The following TLE1 variants were observed in gnomAD, a reference collection of about 807,000 sequenced individuals.
The protein encoded by TLE1 is TLE family member 1, transcriptional corepressor.
In TLE1, 21 loss-of-function variants were observed where a neutral mutation model predicts 89.8. The observed-to-expected ratio is 0.23, with a 90% CI of 0.17 to 0.34. TLE1 has a LOEUF of 0.34. TLE1 is among the 10% of genes least tolerant of loss of function. TLE1 has a pLI of 1.00. For synonymous variants in TLE1, 447 were observed against 407.6 expected, an observed-to-expected ratio of 1.10 and a Z score of -1.16; for missense variants, 795 against 1,031.2, an observed-to-expected ratio of 0.77 and a Z score of 3.14.
At chr9:81,657,673 T>G (rs1396688416) in intron 4 of TLE1, among the ~76,000 whole-genome samples, 1 of 152,170 alleles carries the variant, frequency 6.6e-6, no homozygotes, top group African/African-American at 2.4e-5. Context: ...TCTCGGTATC[T>G]GTGAGGGATT....
chr9:81,661,385 T>C (rs1363408395), intron 4 of TLE1, among the ~76,000 whole-genome samples: 1 of 151,786 alleles, frequency 6.6e-6, no homozygotes, highest in East Asian at 1.9e-4. Context: ...CAGTAGTGCA[T>C]AATGAGTGCT....
intron 6 of TLE1, among the ~76,000 whole-genome samples, chr9:81,637,137 C>T (rs940543690): frequency 6.6e-6 from 1 of 151,902 alleles, no homozygotes; most frequent in African/African-American, 2.4e-5. Flanking sequence ...GCGGGTGTAA[C>T]ACTTGAGGTC....
chr9:81,658,762 T>C (rs1412919792), intron 4 of TLE1, among the ~76,000 whole-genome samples: 3 of 152,156 alleles, frequency 2.0e-5, no homozygotes, highest in Non-Finnish European at 2.9e-5. Context: ...TCCCTTCAAA[T>C]AGTCTGGATT....
chr9:81,622,221 G>C lies in TLE1; in HGVS notation c.595-1664C>G, dbSNP rs138279138. On this transcript the variant is annotated intron_variant, in intron 8 of 19. Coordinates refer to ENST00000376499, the MANE Select transcript of TLE1 (RefSeq NM_005077.5). ...ACCCCTCCTAGTTTACTTCAGCCCC[G>C]AGGTCTCCTCCTCCAGACTCTGTGC... Among the ~76,000 whole-genome samples, 284 of 152,274 alleles carry C rather than the reference G, an allele frequency of 1.9e-3. 3 individuals carry two copies. Among genetic ancestry groups the C allele is most frequent in the African/African-American group, 6.4e-3 (267 of 41,554 alleles).
intron 14 of TLE1, among the ~76,000 whole-genome samples, chr9:81,602,572 G>A (rs569965939): frequency 1.4e-4 from 21 of 152,098 alleles, no homozygotes; most frequent in African/African-American, 4.6e-4. Context: ...GGTCAGGTGT[G>A]GAATTTTCCA....
intron 4 of TLE1, among the ~76,000 whole-genome samples, chr9:81,656,736 TGA>T (rs1830191423): frequency 6.6e-6 from 1 of 152,190 alleles, no homozygotes; most frequent in South Asian, 2.1e-4. Context: ...ACAAGTACCT[TGA>T]AACATTCCAC....
intron 4 of TLE1, among the ~76,000 whole-genome samples, chr9:81,681,019 A>C (rs1833554978): frequency 6.6e-6 from 1 of 152,180 alleles, no homozygotes; most frequent in African/African-American, 2.4e-5. Context: ...GTGAGTCCCT[A>C]ACAGTCCCAT....
At chr9:81,638,276 C>A (rs1035658618) in intron 6 of TLE1, among the ~76,000 whole-genome samples, 1 of 152,172 alleles carries the variant, frequency 6.6e-6, no homozygotes, top group Non-Finnish European at 1.5e-5. Flanking sequence ...CAAAGAAGCA[C>A]GTCAAGAAGA....
At chr9:81,630,249 C>A (rs1014173983) in intron 8 of TLE1, among the ~76,000 whole-genome samples, 2 of 152,050 alleles carry the variant, frequency 1.3e-5, no homozygotes, top group East Asian at 1.9e-4. Context: ...AGGGCAGATT[C>A]TCTTCCTAAA....
At chr9:81,612,418 G>A (rs1027566268) in intron 12 of TLE1, 9 of 933,332 alleles carry the variant, frequency 9.6e-6, no homozygotes, top group African/African-American at 5.3e-5. Context: ...ACCAAAGCAC[G>A]GGTTTAGGAG....
At chr9:81,624,428 A>G (rs1248995302) in intron 8 of TLE1, among the ~76,000 whole-genome samples, 3 of 152,210 alleles carry the variant, frequency 2.0e-5, no homozygotes. Flanking sequence ...TAATCATCCT[A>G]CAGACCTATT....
intron 14 of TLE1, among the ~76,000 whole-genome samples, chr9:81,599,141 C>A (rs1416500298): frequency 1.3e-5 from 2 of 152,144 alleles, no homozygotes; most frequent in East Asian, 3.9e-4. Context: ...AACTATGAAG[C>A]GCAATATAGT....
intron 8 of TLE1, among the ~76,000 whole-genome samples, chr9:81,622,224 G>A (rs906952132): frequency 3.3e-5 from 5 of 152,156 alleles, no homozygotes; most frequent in Non-Finnish European, 5.9e-5. Flanking sequence ...CAGCCCCGAG[G>A]TCTCCTCCTC....
intron 15 of TLE1, among the ~76,000 whole-genome samples, chr9:81,591,467 A>G (rs1435859347): frequency 6.6e-6 from 1 of 152,214 alleles, no homozygotes; most frequent in African/African-American, 2.4e-5. Context: ...ATTAGTCAGA[A>G]GGATTCTTGC....
intron 6 of TLE1, among the ~76,000 whole-genome samples, chr9:81,640,855 C>T (rs1420195676): frequency 6.6e-6 from 1 of 152,204 alleles, no homozygotes; most frequent in African/African-American, 2.4e-5. Context: ...TATGAAAACA[C>T]AGGCCAATGC....
At position 81,662,344 on chromosome 9, in the gene TLE1, G is replaced by GT. The variant is rs1830902883; in HGVS notation, c.235-8309dup. Among the ~76,000 whole-genome samples the GT allele has an allele frequency of 2.7e-5, 4 of 148,076 alleles. No individual in the cohort carries two copies. In the South Asian group the frequency reaches 8.7e-4, roughly 32 times the overall value. On this transcript the variant is annotated intron_variant, in intron 4 of 19. Coordinates refer to ENST00000376499, the MANE Select transcript of TLE1 (RefSeq NM_005077.5). ...AGATGATGCAGGAGACACGGTGTTA[G>GT]TATTAGTGTGCCTGTTTTGTGTGTG...
rs889395691 is a variant in TLE1 at position 81,688,259 on chromosome 9, G to T, written c.-19C>A. 6.4e-7 allele frequency: 1 copy of T among 1,570,832 alleles called. No homozygotes were observed. Among genetic ancestry groups the T allele is most frequent in the African/African-American group, 1.4e-5 (1 of 71,246 alleles). On this transcript the variant is annotated 5_prime_UTR_variant, in exon 1 of 20. Transcript: ENST00000376499. ...GGAACATCGCTCTGGCGGCGGCCGG[G>T]GCTCTGTTCCCCGGCAACTCAATTC... is the stretch of plus-strand genomic sequence containing the variant.
intron 6 of TLE1, among the ~76,000 whole-genome samples, chr9:81,641,212 T>A (rs1464770058): frequency 1.0e-5 from 1 of 96,944 alleles, no homozygotes; most frequent in African/African-American, 4.0e-5. Flanking sequence ...GCAAAATAAA[T>A]AAATAAATAA....
intron 18 of TLE1, 74 bp downstream of exon 18, chr9:81,585,431 C>G (rs780645753): frequency 1.0e-4 from 161 of 1,561,100 alleles, no homozygotes; most frequent in Non-Finnish European, 1.4e-4. Flanking sequence ...ATTATGATCT[C>G]TACCATATTT....
Sources: gnomAD v4.1 joint callset for allele counts (sites outside exome capture counted in the v4.1 genomes callset) on GRCh38, gnomAD v4.1.1 for gene constraint, MANE v1.5 for transcripts, NCBI Gene and HGNC (gene_info 2026-07-23, HGNC 2026-07-21) for gene names.